The following SEPTIN8 variants were observed in gnomAD, a reference collection of about 807,000 sequenced individuals.
The protein encoded by SEPTIN8 is septin 8.
In SEPTIN8, 22 loss-of-function variants were observed where a neutral mutation model predicts 53.1. The observed-to-expected ratio is 0.41, with a 90% CI of 0.30 to 0.59. The LOEUF (loss-of-function observed/expected upper bound fraction) is 0.59. SEPTIN8 is among the 20% of genes least tolerant of loss of function. SEPTIN8 has a pLI of 0.24. For missense variants in SEPTIN8, 536 were observed against 638.7 expected (o/e 0.84, Z 1.73); for synonymous variants, 228 against 248.4 (o/e 0.92, Z 0.77).
At chr5:132,765,637 G>T in intron 1 of SEPTIN8, 108 bp from the exon 2 acceptor site, 1 of 1,320,818 alleles carries the variant, frequency 7.6e-7, no homozygotes, top group Non-Finnish European at 1.0e-6. Context: ...CCCACCCGAT[G>T]TCTGAATTCT....
At chr5:132,754,980 C>T (rs1222197889) in intron 9 of SEPTIN8, among the ~76,000 whole-genome samples, 1 of 152,124 alleles carries the variant, frequency 6.6e-6, no homozygotes, top group Non-Finnish European at 1.5e-5. Context: ...TTAAACTTGT[C>T]CAAACAGTAC....
In SEPTIN8 at chr5:132,762,641, T is replaced by C; in HGVS notation, c.539A>G (p.Asn180Ser). The change falls in exon 5 of 10, where the codon AAC (asparagine) becomes AGC (serine). Residue 180 changes from asparagine (N) to serine (S), a missense_variant. Transcript: ENST00000378719. ...AGCCTTGGCGATGATGGGAATAATG[T>C]TCACCTGCCAGGATCAGGGGAGGGG... ...VTMKKLDSKV[N>S]IIPIIAKADT... 1.2e-6 allele frequency: 2 copies of C among 1,614,220 alleles called. No individual in the cohort carries two copies. Among genetic ancestry groups the C allele is most frequent in the Non-Finnish European group, 1.7e-6 (2 of 1,180,036 alleles).
In SEPTIN8 at chr5:132,761,073, C is replaced by T. The variant is rs890753394; in HGVS notation, c.1095+60G>A. On this transcript the variant is annotated intron_variant, in intron 8 of 9. Coordinates refer to ENST00000378719, the MANE Select transcript of SEPTIN8 (RefSeq NM_001098811.2). This position sits in a 1 kb window ranked among gnomAD's most constrained non-coding sequence, Gnocchi z 5.8. Reference sequence around the variant, plus strand: ...GGCCAGGAAGGCACCCCCACCTCTACCCTCAGCCAGGCCTTCCCTCCCTCA... The same window carrying T: ...GGCCAGGAAGGCACCCCCACCTCTATCCTCAGCCAGGCCTTCCCTCCCTCA... 3.0e-5 allele frequency: 48 copies of T among 1,610,178 alleles called. 1 individual carries two copies. The Middle Eastern group carries it at 9.9e-4, about 33-fold the overall frequency.
intron 9 of SEPTIN8, 146 bp from the exon 10 acceptor site, chr5:132,752,327 C>T: frequency 9.0e-7 from 1 of 1,111,956 alleles, no homozygotes; most frequent in South Asian, 1.7e-5. Flanking sequence ...TGGAAAGAGT[C>T]TGCCCAAAGG....
rs945968815 is a variant in SEPTIN8, at chr5:132,754,331, C to T, written c.1287-2150G>A. 48 of 702,758 alleles carry T rather than the reference C, an allele frequency of 6.8e-5. No individual in the cohort carries two copies. In the East Asian group the frequency reaches 1.2e-3, roughly 17 times the overall value. The allele number at this position is 702,758 out of a possible 1,614,324, so 43.5% of individuals were successfully genotyped here. On this transcript the variant is annotated intron_variant, in intron 9 of 9. Transcript: ENST00000378719. ...GCTGCTCACAGCTTCCAGTGGTGGC[C>T]GTTGAGTGCCCTCTGCCTCCTTCCT...
upstream of SEPTIN8, chr5:132,777,379 G>A: frequency 9.8e-7 from 1 of 1,024,194 alleles, no homozygotes. This position sits in a 1 kb window ranked among gnomAD's most constrained non-coding sequence, Gnocchi z 4.1. Flanking sequence ...CCGCCGCTTG[G>A]ACGGCCGGGG....
rs112134666 is a variant in SEPTIN8, at chr5:132,771,037, G to A, written c.31-5508C>T. Among the ~76,000 whole-genome samples, 67 of 152,310 alleles carry A rather than the reference G, an allele frequency of 4.4e-4. 1 individual carries two copies. Among genetic ancestry groups the A allele is most frequent in the Admixed American group, 9.8e-4 (15 of 15,302 alleles). ...CGGCTGCGTGCCTCCATGCCCGGCCGTCCAAGACAAAGTAGAGAACAGCAT... is the reference window on the plus strand; with the variant it reads ...CGGCTGCGTGCCTCCATGCCCGGCCATCCAAGACAAAGTAGAGAACAGCAT... On this transcript the variant is annotated intron_variant, in intron 1 of 9. Transcript: ENST00000378719.
intron 1 of SEPTIN8, among the ~76,000 whole-genome samples, chr5:132,775,238 A>C (rs30524): frequency 0.36 from 55,224 of 152,130 alleles, 16,856 homozygotes; most frequent in African/African-American, 0.8. Flanking sequence ...AGCCCACAGC[A>C]TGGCCTCTCA....
In SEPTIN8 at chr5:132,760,737, A is replaced by T; in HGVS notation, c.1286+65T>A. 2.0e-6 allele frequency: 3 copies of T among 1,481,422 alleles called. No individual in the cohort carries two copies. The South Asian group carries it at 3.7e-5, about 18-fold the overall frequency. 91.8% of individuals were successfully genotyped at this position (1,481,422 alleles called of 1,614,324 possible). ...AGGAGAGCGAGAAGGGAGGTGAGGG[A>T]CAAGAACGAAAGCAAGAGCCCACAG... On this transcript the variant is annotated intron_variant, in intron 9 of 9. Transcript: ENST00000378719. This position sits in a 1 kb window ranked among gnomAD's most constrained non-coding sequence, Gnocchi z 5.2.
chr5:132,776,939 CCCCCCGATAGCGCGGCCGAGAG>C lies in SEPTIN8; in HGVS notation c.30+147_30+168del, dbSNP rs1264275745. Among the ~76,000 whole-genome samples, 1 of 152,082 alleles carries C rather than the reference CCCCCCGATAGCGCGGCCGAGAG, an allele frequency of 6.6e-6. No homozygotes were observed. The highest frequency in any genetic ancestry group is 2.4e-5 in the African/African-American group (1 of 41,440). ...AGGCAGGCCGCCCGACGCTCCGGGA[CCCCCCGATAGCGCGGCCGAGAG>C]CCCGCGCCGGGGTCCTCGAGCTGGC... On this transcript the variant is annotated intron_variant, in intron 1 of 9. Coordinates refer to ENST00000378719, the MANE Select transcript of SEPTIN8 (RefSeq NM_001098811.2). This position sits in a 1 kb window ranked among gnomAD's most constrained non-coding sequence, Gnocchi z 4.4.
In SEPTIN8 at chr5:132,751,272, A is replaced by G. The variant is rs764058350; in HGVS notation, c.*744T>C. 2.8e-6 allele frequency: 1 copy of G among 356,240 alleles called. No individual in the cohort carries two copies. Among genetic ancestry groups the G allele is most frequent in the East Asian group, 5.0e-5 (1 of 19,912 alleles). The allele number at this position is 356,240 out of a possible 1,614,324, so 22.1% of individuals were successfully genotyped here. ...TGGTGAGTTTCTCTTTTAAATACAC[A>G]CTGCAAAAATATTTAACTTTCCATT... On this transcript the variant is annotated 3_prime_UTR_variant, in exon 10 of 10. Coordinates refer to ENST00000378719, the MANE Select transcript of SEPTIN8 (RefSeq NM_001098811.2).
chr5:132,757,121 G>T (rs139029123), intron 9 of SEPTIN8: 1 of 984,342 alleles, frequency 1.0e-6, no homozygotes, highest in East Asian at 1.1e-4. Flanking sequence ...GTGACGCTAA[G>T]GAAGCTTAAT....
intron 9 of SEPTIN8, chr5:132,758,050 C>T (rs1165840560): frequency 1.0e-6 from 1 of 995,166 alleles, no homozygotes; most frequent in Non-Finnish European, 1.2e-6. Context: ...CAGACAACAG[C>T]TTTGGGCTGC....
intron 9 of SEPTIN8, chr5:132,758,475 C>T (rs760259103): frequency 1.8e-5 from 29 of 1,608,868 alleles, no homozygotes; most frequent in African/African-American, 2.7e-5. Context: ...CCTAGCATCC[C>T]GGCTGGGGCC....
intron 9 of SEPTIN8, chr5:132,756,282 T>C (rs1755332523): frequency 1.0e-6 from 1 of 985,130 alleles, no homozygotes; most frequent in South Asian, 4.7e-5. Context: ...AAAGAACATA[T>C]TTCCACATCG....
rs1756481613 is a variant in SEPTIN8 at position 132,765,423 on chromosome 5, T to C, written c.137A>G (p.Asn46Ser). 6.2e-7 allele frequency: 1 copy of C among 1,613,626 alleles called. No individual in the cohort carries two copies. Among genetic ancestry groups the C allele is most frequent in the Non-Finnish European group, 8.5e-7 (1 of 1,179,764 alleles). Reference sequence around the variant, plus strand: ...CTGACACTCACCCACACAGAGGATGTTGAAGCTGAAGCCCTGAGTGACCGA... The same window carrying C: ...CTGACACTCACCCACACAGAGGATGCTGAAGCTGAAGCCCTGAGTGACCGA... ...SKSVTQGFSF[N>S]ILCVGETGIG... Residue 46 changes from asparagine to serine, a missense_variant, in exon 2 of 10, where the codon AAC becomes AGC. This residue lies in a region of SEPTIN8 where 395 missense variants were observed against 451.8 expected (regional missense o/e 0.87). Transcript: ENST00000378719.
At position 132,773,291 on chromosome 5, in the gene SEPTIN8, A is replaced by G. The variant is rs932442778; in HGVS notation, c.30+3817T>C. 1.3e-5 allele frequency among the ~76,000 whole-genome samples: 2 copies of G among 152,094 alleles called. No homozygotes were observed. The highest frequency in any genetic ancestry group is 4.8e-5 in the African/African-American group (2 of 41,400). The stretch of plus-strand genomic sequence containing the variant: ...TGGGGGCCATGCCTGGGGATCCTGA[A>G]ACCCAAGCTGGCAGCACAGAGGCAG... On this transcript the variant is annotated intron_variant, in intron 1 of 9. Coordinates refer to ENST00000378719, the MANE Select transcript of SEPTIN8 (RefSeq NM_001098811.2). The surrounding 1 kb of genome is among the most constrained non-coding windows in gnomAD (Gnocchi z 4.2).
intron 9 of SEPTIN8, chr5:132,757,739 A>G: frequency 7.1e-6 from 7 of 985,464 alleles, no homozygotes; most frequent in Non-Finnish European, 8.4e-6. Context: ...CAACAGGAGC[A>G]TAGAAGAGTC....
Position 132,760,660 on chromosome 5 carries a change from G to A in SEPTIN8, c.1286+142C>T. The stretch of plus-strand genomic sequence containing the variant: ...GGCAACCAAGAAAGCTGGGGGGAGA[G>A]CCACTGAAGATGAGGGAAAACCAAA... On this transcript the variant is annotated intron_variant, in intron 9 of 9. Transcript: ENST00000378719. The surrounding 1 kb of genome is among the most constrained non-coding windows in gnomAD (Gnocchi z 5.2). The A allele has an allele frequency of 1.3e-6, 1 of 757,274 alleles. No homozygotes were observed. Among genetic ancestry groups the A allele is most frequent in the Non-Finnish European group, 2.2e-6 (1 of 459,890 alleles). 46.9% of individuals were successfully genotyped at this position (757,274 alleles called of 1,614,324 possible). A position where few individuals can be genotyped will look rare whatever the true frequency, so the allele number is the denominator to read the frequency against.
Sources: gnomAD v4.1 joint callset for allele counts (sites outside exome capture counted in the v4.1 genomes callset) on GRCh38, gnomAD v4.1.1 for gene constraint, gnomAD v4.1.1 regional missense constraint, Gnocchi (gnomAD v3.1) non-coding constraint, MANE v1.5 for transcripts, NCBI Gene and HGNC (gene_info 2026-07-23, HGNC 2026-07-21) for gene names.